The following AHCYL2 variants were observed in gnomAD, a reference collection of about 807,000 sequenced individuals.
The protein encoded by AHCYL2 is S-adenosylhomocysteine hydrolase-like protein 2.
A neutral mutation model predicts 81.4 loss-of-function variants in AHCYL2; 28 were observed. The observed-to-expected ratio is 0.34, with a 90% CI of 0.25 to 0.47. The LOEUF (loss-of-function observed/expected upper bound fraction) is 0.47, where lower values mean the gene tolerates loss of function less well. AHCYL2 is among the 20% of genes least tolerant of loss of function. The pLI is 1.00. For missense variants in AHCYL2, 551 were observed against 785.1 expected (o/e 0.70, Z 3.56); for synonymous variants, 272 against 290.2 (o/e 0.94, Z 0.64).
chr7:129,286,570 C>T (rs965310421), intron 1 of AHCYL2, among the ~76,000 whole-genome samples: 4 of 152,208 alleles, frequency 2.6e-5, no homozygotes, highest in Non-Finnish European at 4.4e-5. Flanking sequence ...AAGTGATCCT[C>T]CTGCCTCAGC....
chr7:129,231,432 C>A (rs1794433932), intron 1 of AHCYL2, among the ~76,000 whole-genome samples: 1 of 152,108 alleles, frequency 6.6e-6, no homozygotes, highest in Non-Finnish European at 1.5e-5. Context: ...AAGTGATTCC[C>A]TCCCCCACGA....
intron 1 of AHCYL2, among the ~76,000 whole-genome samples, chr7:129,273,763 C>T (rs1045532803): frequency 5.3e-5 from 8 of 152,170 alleles, no homozygotes; most frequent in Admixed American, 1.3e-4. Context: ...AGTGTGTTTT[C>T]TCACAGTAGC....
intron 1 of AHCYL2, among the ~76,000 whole-genome samples, chr7:129,272,607 C>G (rs955253823): frequency 6.6e-5 from 10 of 152,040 alleles, no homozygotes; most frequent in African/African-American, 1.5e-4. Context: ...AAAGAGTGAA[C>G]CTTTGTTATA....
At chr7:129,371,908 A>G (rs1047931222) in intron 1 of AHCYL2, among the ~76,000 whole-genome samples, 2 of 152,214 alleles carry the variant, frequency 1.3e-5, no homozygotes, top group African/African-American at 4.8e-5. Flanking sequence ...GTTTTGAGGA[A>G]TATCTGAACC....
At chr7:129,369,762 G>A (rs779322712) in intron 1 of AHCYL2, among the ~76,000 whole-genome samples, 31 of 152,132 alleles carry the variant, frequency 2.0e-4, no homozygotes, top group Non-Finnish European at 3.5e-4. Flanking sequence ...ATGTTGGCCA[G>A]GCTGGTCTTG....
chr7:129,227,608 CAAAAAAA>C (rs57256611), intron 1 of AHCYL2, among the ~76,000 whole-genome samples: 7 of 80,756 alleles, frequency 8.7e-5, no homozygotes, highest in South Asian at 4.6e-4. Flanking sequence ...GACCTTGTCT[CAAAAAAA>C]AAAAAAAAAA....
intron 1 of AHCYL2, among the ~76,000 whole-genome samples, chr7:129,243,401 T>C (rs1794935834): frequency 6.6e-6 from 1 of 152,198 alleles, no homozygotes; most frequent in Non-Finnish European, 1.5e-5. Flanking sequence ...GTGGCTTTAC[T>C]TATGACTTTT....
At chr7:129,275,689 A>G (rs1270228658) in intron 1 of AHCYL2, among the ~76,000 whole-genome samples, 1 of 152,204 alleles carries the variant, frequency 6.6e-6, no homozygotes, top group East Asian at 1.9e-4. Context: ...TGCATCTTAT[A>G]GCATGGCCTT....
Position 129,271,085 on chromosome 7 carries a change from G to A in AHCYL2, c.363+45646G>A, listed in dbSNP as rs373678460. On this transcript the variant is annotated intron_variant, in intron 1 of 16. Transcript: ENST00000325006. ...GCTCTAAAAAAAAAAAGTTTGGGCC[G>A]GGCGTGGTGGCTCATGCCTGTAATC... Among the ~76,000 whole-genome samples the A allele has an allele frequency of 1.8e-4, 28 of 152,018 alleles. No individual in the cohort carries two copies. In the East Asian group the frequency reaches 4.3e-3, roughly 23 times the overall value.
intron 1 of AHCYL2, among the ~76,000 whole-genome samples, chr7:129,286,668 C>T (rs1666835353): frequency 6.6e-6 from 1 of 152,054 alleles, no homozygotes; most frequent in Admixed American, 6.6e-5. Flanking sequence ...ACCATGTTGG[C>T]CAGCCTGGTC....
chr7:129,400,581 A>G (rs573704028), intron 6 of AHCYL2, among the ~76,000 whole-genome samples, 197 bp downstream of exon 6: 2 of 152,312 alleles, frequency 1.3e-5, no homozygotes, highest in East Asian at 3.9e-4. Flanking sequence ...ATAACCTCAG[A>G]GTGCCTTAAT....
chr7:129,293,149 G>GT (rs34694658), intron 1 of AHCYL2, among the ~76,000 whole-genome samples: 9 of 135,688 alleles, frequency 6.6e-5, no homozygotes, highest in African/African-American at 2.5e-4. Context: ...GAGTTTTTGG[G>GT]TTTTTTTTTT....
At chr7:129,338,378 C>T (rs1027057702) in intron 1 of AHCYL2, among the ~76,000 whole-genome samples, 3 of 152,100 alleles carry the variant, frequency 2.0e-5, no homozygotes, top group African/African-American at 7.2e-5. Context: ...ATGTGTCAAA[C>T]TCCTGGCCTC....
intron 1 of AHCYL2, among the ~76,000 whole-genome samples, chr7:129,291,457 G>A (rs1013142576): frequency 6.0e-5 from 9 of 150,794 alleles, no homozygotes; most frequent in Non-Finnish European, 1.0e-4. Context: ...TTCAAATCAT[G>A]CATTCTTTTA....
At chr7:129,405,678 T>C (rs1312920740) in intron 8 of AHCYL2, among the ~76,000 whole-genome samples, 158 bp from the exon 9 acceptor site, 1 of 152,088 alleles carries the variant, frequency 6.6e-6, no homozygotes, top group Non-Finnish European at 1.5e-5. Flanking sequence ...GGTTTTCTGG[T>C]CTTTACCAGA....
chr7:129,235,754 T>A (rs1794621606), intron 1 of AHCYL2, among the ~76,000 whole-genome samples: 1 of 152,202 alleles, frequency 6.6e-6, no homozygotes, highest in Non-Finnish European at 1.5e-5. Context: ...AGGTTCCTTT[T>A]TTATTCAGTA....
rs1017473161 is a variant in AHCYL2, at chr7:129,427,893, T to G, written c.*848T>G. 3.3e-5 allele frequency: 5 copies of G among 152,574 alleles called. No individual in the cohort carries two copies. Among genetic ancestry groups the G allele is most frequent in the African/African-American group, 9.7e-5 (4 of 41,440 alleles). The allele number at this position is 152,574 out of a possible 1,614,324, so 9.5% of individuals were successfully genotyped here. On this transcript the variant is annotated 3_prime_UTR_variant, in exon 17 of 17. Transcript: ENST00000325006. The surrounding 1 kb of genome is among the most constrained non-coding windows in gnomAD (Gnocchi z 5.5). ...GAAGCCCCTCCAGATTGGCACTATCTCAGAAAAGGAGAGCTTGTTGTGAAA... is the reference window on the plus strand; with the variant it reads ...GAAGCCCCTCCAGATTGGCACTATCGCAGAAAAGGAGAGCTTGTTGTGAAA...
At chr7:129,279,310 T>G (rs1796342897) in intron 1 of AHCYL2, among the ~76,000 whole-genome samples, 2 of 151,552 alleles carry the variant, frequency 1.3e-5, no homozygotes, top group Middle Eastern at 3.2e-3. Context: ...CCACAAGACC[T>G]GGCTAATTTT....
At chr7:129,414,848 A>G (rs1796767783) in intron 12 of AHCYL2, among the ~76,000 whole-genome samples, 1 of 152,216 alleles carries the variant, frequency 6.6e-6, no homozygotes, top group South Asian at 2.1e-4. Context: ...TAAGCAAAGT[A>G]TGCTTTCATC....
Sources: gnomAD v4.1 joint callset for allele counts (sites outside exome capture counted in the v4.1 genomes callset) on GRCh38, gnomAD v4.1.1 for gene constraint, Gnocchi (gnomAD v3.1) non-coding constraint, MANE v1.5 for transcripts, NCBI Gene and HGNC (gene_info 2026-07-23, HGNC 2026-07-21) for gene names.